Variants in COL5A3 observed in about 807,000 individuals in gnomAD.
COL5A3 encodes collagen alpha-3(V) chain.
COL5A3 carries 172 observed loss-of-function variants against 250.0 expected under a neutral mutation model. The observed-to-expected ratio is 0.69, with a 90% CI of 0.61 to 0.78. COL5A3 has a LOEUF of 0.78. Among genes scored for constraint, COL5A3 ranks in the 30% least tolerant of loss-of-function variants. The pLI, the probability that COL5A3 is intolerant of heterozygous loss-of-function variation, is 0.00. For synonymous variants in COL5A3, 937 were observed against 900.4 expected, an observed-to-expected ratio of 1.04 and a Z score of -0.73; for missense variants, 2,340 against 2,334.4, an observed-to-expected ratio of 1.00 and a Z score of -0.05.
At chr19:9,983,239 T>C (rs1418639522) in intron 31 of COL5A3, among the ~76,000 whole-genome samples, 1 of 151,948 alleles carries the variant, frequency 6.6e-6, no homozygotes, top group African/African-American at 2.4e-5. Context: ...CAGTGGCTTA[T>C]GCTTGTAATC....
intron 24 of COL5A3, 68 bp from the exon 25 acceptor site, chr19:9,989,590 C>A: frequency 7.2e-7 from 1 of 1,385,128 alleles, no homozygotes; most frequent in Non-Finnish European, 9.9e-7. Context: ...CTAGGATCTA[C>A]GCAGACATGC....
intron 6 of COL5A3, 140 bp downstream of exon 6, chr19:10,003,425 A>G (rs1033793914): frequency 6.0e-5 from 51 of 845,482 alleles, no homozygotes; most frequent in Non-Finnish European, 9.4e-5. Context: ...ATCCGAGACC[A>G]GAGAAAAAGA....
intron 19 of COL5A3, 142 bp from the exon 20 acceptor site, chr19:9,993,209 C>T (rs979890538): frequency 1.8e-6 from 2 of 1,121,984 alleles, no homozygotes; most frequent in South Asian, 2.8e-5. Flanking sequence ...CATGGGATTC[C>T]ATTCAGGCCC....
At chr19:9,995,467 T>C in intron 16 of COL5A3, 97 bp downstream of exon 16, 8 of 1,098,156 alleles carry the variant, frequency 7.3e-6, no homozygotes, top group Non-Finnish European at 1.0e-5. Context: ...CTTTTCCCAC[T>C]AACGACACCA....
chr19:9,973,614 CT>C lies in COL5A3; in HGVS notation c.3621del (p.Asp1209ThrfsTer59). 1 of 1,612,944 alleles carries C rather than the reference CT, an allele frequency of 6.2e-7. No individual in the cohort carries two copies. Among genetic ancestry groups the C allele is most frequent in the Non-Finnish European group, 8.5e-7 (1 of 1,179,416 alleles). On this transcript the variant is annotated frameshift_variant, in exon 50 of 67. Coordinates refer to ENST00000264828, the MANE Select transcript of COL5A3 (RefSeq NM_015719.4). LOFTEE classifies it high-confidence loss of function. ...QPGAVGEKGE[R>X]GDAGDPGPPG... ...GGAGGCCCTGGGTCTCCAGCGTCCC[CT>C]CGCTCACCCTGCAGGAGGCAAAGTG...
chr19:9,983,337 G>A (rs1225405556), intron 31 of COL5A3, among the ~76,000 whole-genome samples: 1 of 151,716 alleles, frequency 6.6e-6, no homozygotes, highest in African/African-American at 2.4e-5. Flanking sequence ...CCCTGTCTCT[G>A]TAAAAAATTT....
At chr19:9,978,664 A>G in intron 40 of COL5A3, 37 bp from the exon 41 acceptor site, 2 of 1,422,482 alleles carry the variant, frequency 1.4e-6, no homozygotes, top group Non-Finnish European at 1.9e-6. Context: ...AGAGACTCCC[A>G]AAGGTGTCCC....
chr19:9,980,779 G>T, intron 34 of COL5A3, 27 bp downstream of exon 34: 2 of 1,613,340 alleles, frequency 1.2e-6, no homozygotes, highest in Non-Finnish European at 1.7e-6. Context: ...GGGCATGGGG[G>T]GCCTTGATTG....
At position 9,976,731 on chromosome 19, in the gene COL5A3, G is replaced by A. The variant is rs1473658068; in HGVS notation, c.3289-120C>T. On this transcript the variant is annotated intron_variant, in intron 44 of 66. Transcript: ENST00000264828. ...TGAGAACAACTTCCCCTACCAGGCA[G>A]CAACAGCTACATCCCCCCAAATCCT... is the stretch of plus-strand genomic sequence containing the variant. 12 of 728,366 alleles carry A rather than the reference G, an allele frequency of 1.6e-5. 1 individual carries two copies. The highest frequency in any genetic ancestry group is 3.5e-5 in the South Asian group (2 of 57,026). The allele number at this position is 728,366 out of a possible 1,614,324, so 45.1% of individuals were successfully genotyped here. A position where few individuals can be genotyped will look rare whatever the true frequency, so the allele number is the denominator to read the frequency against.
intron 10 of COL5A3, 69 bp downstream of exon 10, chr19:9,997,915 C>T: frequency 1.3e-6 from 2 of 1,560,766 alleles, no homozygotes; most frequent in Admixed American, 1.7e-5. Flanking sequence ...CAACTCCTCA[C>T]TCCAGGGGAT....
chr19:9,978,598 G>C lies in COL5A3; in HGVS notation c.2994C>G (p.Gly998=), dbSNP rs906799696. The change falls in exon 41 of 67, where the codon GGC becomes GGG. Residue 998 remains glycine (G), a synonymous_variant. Transcript: ENST00000264828. Reference sequence around the variant, plus strand: ...CATTGGCCCCCACGGGCCCTGGGGGGCCCTTATCACCCTTTAAGCCAGTAG... The same window carrying C: ...CATTGGCCCCCACGGGCCCTGGGGGCCCCTTATCACCCTTTAAGCCAGTAG... ...PGPTGLKGDK[G]PPGPVGANGS... 1.1e-5 allele frequency: 17 copies of C among 1,581,546 alleles called. No individual in the cohort carries two copies. Among genetic ancestry groups the C allele is most frequent in the Admixed American group, 1.9e-5 (1 of 53,128 alleles).
intron 27 of COL5A3, among the ~76,000 whole-genome samples, chr19:9,987,087 G>A (rs182264059): frequency 6.6e-6 from 1 of 152,178 alleles, no homozygotes; most frequent in East Asian, 1.9e-4. Context: ...AAAGGCAAAG[G>A]AATGTTCCCC....
chr19:10,010,361 G>A lies in COL5A3; in HGVS notation c.25C>T (p.Gln9Ter), dbSNP rs2087512595. The change falls in exon 1 of 67, where the codon CAG becomes TAG. Residue 9 changes from glutamine (Q) to a stop codon, truncating the protein, a stop_gained. Coordinates refer to ENST00000264828, the MANE Select transcript of COL5A3 (RefSeq NM_015719.4). LOFTEE classifies it high-confidence loss of function. MGNRRDLGQPRAGLCLLLA... is the reference protein window; with the variant it reads MGNRRDLG ...AGCAGGCAGAGACCGGCCCGCGGCT[G>A]GCCCAGGTCCCGGCGGTTCCCCATC... 1 of 1,462,754 alleles carries A rather than the reference G, an allele frequency of 6.8e-7. No homozygotes were observed. The highest frequency in any genetic ancestry group is 9.1e-7 in the Non-Finnish European group (1 of 1,102,930). 90.6% of individuals were successfully genotyped at this position (1,462,754 alleles called of 1,614,324 possible).
At chr19:9,971,322 C>G (rs2086843442) in intron 51 of COL5A3, 64 bp from the exon 52 acceptor site, 1 of 1,244,820 alleles carries the variant, frequency 8.0e-7, no homozygotes, top group African/African-American at 1.5e-5. Context: ...ATTTATGGAA[C>G]AGATCAACTG....
rs1399952076 is a variant in COL5A3 at position 9,960,705 on chromosome 19, C to T, written c.5037G>A (p.Leu1679=). 14 of 1,613,934 alleles carry T rather than the reference C, an allele frequency of 8.7e-6. No homozygotes were observed. The highest frequency in any genetic ancestry group is 1.7e-5 in the Admixed American group (1 of 59,974). ...ARFLGTNGEE[L]SFNQTTAATV... ...TGGCTGCTGTCGTCTGGTTGAAAGA[C>T]AGCTCCTCTCCATTGGTGCCAAGGA... Residue 1679 remains leucine, a synonymous_variant, in exon 66 of 67, where the codon CTG becomes CTA. Transcript: ENST00000264828.
chr19:9,964,813 T>C (rs2086715509), intron 64 of COL5A3, among the ~76,000 whole-genome samples: 1 of 120,276 alleles, frequency 8.3e-6, no homozygotes, highest in African/African-American at 3.3e-5. Context: ...TCACCTGAGG[T>C]CAAGACCAGC....
chr19:10,003,807 G>A (rs1041514044), intron 5 of COL5A3, 93 bp from the exon 6 acceptor site: 4 of 1,518,454 alleles, frequency 2.6e-6, no homozygotes, highest in Non-Finnish European at 3.6e-6. Context: ...CATGGCCCGT[G>A]GGTCCTCACT....
intron 45 of COL5A3, among the ~76,000 whole-genome samples, chr19:9,975,035 T>C (rs927747971): frequency 1.3e-5 from 2 of 151,606 alleles, no homozygotes; most frequent in African/African-American, 4.9e-5. Context: ...ATAGCTGGGA[T>C]TACAAGTGTG....
intron 51 of COL5A3, among the ~76,000 whole-genome samples, chr19:9,972,061 T>C (rs140329008): frequency 9.2e-5 from 14 of 152,348 alleles, no homozygotes; most frequent in South Asian, 4.1e-4. Flanking sequence ...GTCCATTCAT[T>C]CATGCATCCA....
Sources: gnomAD v4.1 joint callset for allele counts (sites outside exome capture counted in the v4.1 genomes callset) on GRCh38, gnomAD v4.1.1 for gene constraint, MANE v1.5 for transcripts, NCBI Gene and HGNC (gene_info 2026-07-23, HGNC 2026-07-21) for gene names.